LMLN: variants seen among roughly 807,000 people sequenced by gnomAD.
LMLN encodes leishmanolysin like peptidase, also known as leishmanolysin-like peptidase.
In LMLN, 70 loss-of-function variants were observed where a neutral mutation model predicts 92.3. The observed-to-expected ratio is 0.76, with a 90% CI of 0.63 to 0.92. The LOEUF (loss-of-function observed/expected upper bound fraction) is 0.92. Ranked by LOEUF, LMLN falls within the 40% of genes least tolerant of loss-of-function variation. The pLI is 0.00. For missense variants in LMLN, 691 were observed against 814.6 expected, an observed-to-expected ratio of 0.85 and a Z score of 1.85; for synonymous variants, 308 against 296.2, an observed-to-expected ratio of 1.04 and a Z score of -0.41.
chr3:197,996,961 T>TGTTC (rs1172673364), intron 10 of LMLN, among the ~76,000 whole-genome samples: 2 of 152,140 alleles, frequency 1.3e-5, no homozygotes, highest in Non-Finnish European at 2.9e-5. Context: ...CTAGTCTGTG[T>TGTTC]GTTCGTTCGT....
rs1036277173 is a variant in LMLN at position 197,976,510 on chromosome 3, A to G, written c.432-88A>G. On this transcript the variant is annotated intron_variant, in intron 4 of 15. Coordinates refer to ENST00000330198, the Ensembl canonical transcript of LMLN. ...AGTAACATTATTAATGAAGTAATAT[A>G]GCAGCTACCAGTTGGTTTCCATGTT... 15 of 648,548 alleles carry G rather than the reference A, an allele frequency of 2.3e-5. 1 individual carries two copies. The highest frequency in any genetic ancestry group is 4.0e-5 in the Non-Finnish European group (15 of 371,110). The allele number at this position is 648,548 out of a possible 1,614,324, so 40.2% of individuals were successfully genotyped here.
intron 5 of LMLN, among the ~76,000 whole-genome samples, chr3:197,979,966 A>G (rs1721510798): frequency 6.6e-6 from 1 of 152,158 alleles, no homozygotes; most frequent in African/African-American, 2.4e-5. Flanking sequence ...AGATTCAAAG[A>G]AAGTTGAAAA....
chr3:197,976,700 T>C, exon 5 of LMLN: 1 of 1,535,816 alleles, frequency 6.5e-7, no homozygotes, highest in Middle Eastern at 1.7e-4. Flanking sequence ...TTATTGTTCC[T>C]GAGGAACATC....
intron 13 of LMLN, among the ~76,000 whole-genome samples, chr3:198,022,172 C>T (rs1365323918): frequency 6.6e-6 from 1 of 152,202 alleles, no homozygotes; most frequent in South Asian, 2.1e-4. Flanking sequence ...ACATGTCACT[C>T]TTCAGATAGC....
chr3:198,006,470 G>A (rs1282706482), intron 11 of LMLN, among the ~76,000 whole-genome samples: 1 of 152,134 alleles, frequency 6.6e-6, no homozygotes, highest in Non-Finnish European at 1.5e-5. Flanking sequence ...GTAATTACAG[G>A]TTTAGTTTTG....
At chr3:198,022,209 G>C (rs2109937929) in intron 13 of LMLN, among the ~76,000 whole-genome samples, 1 of 152,272 alleles carries the variant, frequency 6.6e-6, no homozygotes, top group South Asian at 2.1e-4. Flanking sequence ...CTCATGGCCA[G>C]TAAGATATAC....
At chr3:198,007,538 C>G (rs1722327992) in intron 11 of LMLN, among the ~76,000 whole-genome samples, 2 of 152,188 alleles carry the variant, frequency 1.3e-5, no homozygotes, top group South Asian at 4.1e-4. Context: ...CCGTTCTGTT[C>G]TAGTGATCCA....
intron 6 of LMLN, among the ~76,000 whole-genome samples, chr3:197,981,467 G>A (rs1241526706): frequency 1.3e-5 from 2 of 152,196 alleles, no homozygotes; most frequent in Non-Finnish European, 2.9e-5. Flanking sequence ...TTTAATTTTA[G>A]GACTTCTGTG....
chr3:198,023,992 CTATCA>C (rs1250846169), intron 13 of LMLN, among the ~76,000 whole-genome samples: 7 of 152,270 alleles, frequency 4.6e-5, no homozygotes, highest in East Asian at 1.9e-4. Flanking sequence ...TGGCCTCATC[CTATCA>C]TGAGTAATTT....
exon 13 of LMLN, chr3:198,021,464 G>A: frequency 6.2e-7 from 1 of 1,614,028 alleles, no homozygotes. Flanking sequence ...TGAACTCAGT[G>A]GAATACCTGC....
chr3:197,995,611 C>CA (rs1434540927), intron 9 of LMLN, among the ~76,000 whole-genome samples: 1 of 151,844 alleles, frequency 6.6e-6, no homozygotes, highest in East Asian at 1.9e-4. Context: ...CCAAAGGGTA[C>CA]AAAATCACAG....
chr3:198,021,502 C>G (rs758314060), exon 13 of LMLN: 1 of 1,614,020 alleles, frequency 6.2e-7, no homozygotes, highest in Non-Finnish European at 8.5e-7. Flanking sequence ...ATGGTGGCTC[C>G]GTGGAAATTG....
intron 11 of LMLN, among the ~76,000 whole-genome samples, chr3:198,017,156 G>A (rs971028638): frequency 2.6e-5 from 4 of 152,084 alleles, no homozygotes; most frequent in African/African-American, 9.7e-5. Context: ...AACAGGTTGT[G>A]GTCAGGATTT....
intron 5 of LMLN, among the ~76,000 whole-genome samples, chr3:197,979,046 G>A (rs943032877): frequency 1.3e-5 from 2 of 152,100 alleles, no homozygotes; most frequent in Admixed American, 6.6e-5. Flanking sequence ...ACAGCATATT[G>A]TCATTAACCA....
At chr3:198,029,806 G>A (rs950077727) in intron 14 of LMLN, among the ~76,000 whole-genome samples, 2 of 152,012 alleles carry the variant, frequency 1.3e-5, no homozygotes, top group Non-Finnish European at 2.9e-5. Flanking sequence ...GGAGGAGTCA[G>A]GGGAGACTTA....
intron 10 of LMLN, 197 bp downstream of exon 10, chr3:197,996,479 G>A (rs1722020650): frequency 7.9e-6 from 3 of 379,402 alleles, no homozygotes; most frequent in Non-Finnish European, 1.4e-5. Flanking sequence ...ATATGTATGT[G>A]TGTGCAAACA....
chr3:198,042,986 A>G lies in LMLN; in HGVS notation c.*4319A>G, dbSNP rs1723448834. On this transcript the variant is annotated 3_prime_UTR_variant, in exon 16 of 16. Coordinates refer to ENST00000330198, the Ensembl canonical transcript of LMLN. The surrounding 1 kb of genome is among the most constrained non-coding windows in gnomAD (Gnocchi z 4.2). ...TTTGTTGAGATCAAATAGACATTCT[A>G]TAAATGTTATAAATTATGCTTGCAG... is the stretch of plus-strand genomic sequence containing the variant. The G allele has an allele frequency of 6.6e-6, 1 of 152,218 alleles. No homozygotes were observed. The highest frequency in any genetic ancestry group is 1.5e-5 in the Non-Finnish European group (1 of 68,034). 9.4% of individuals were successfully genotyped at this position (152,218 alleles called of 1,614,324 possible).
intron 5 of LMLN, among the ~76,000 whole-genome samples, chr3:197,977,488 A>G (rs956625707): frequency 2.0e-5 from 3 of 152,198 alleles, no homozygotes; most frequent in African/African-American, 7.2e-5. Context: ...AAATCTGGAT[A>G]CATATAAAAA....
At chr3:198,000,146 C>T (rs139578558) in intron 11 of LMLN, among the ~76,000 whole-genome samples, 1,991 of 152,222 alleles carry the variant, frequency 0.013, 45 homozygotes, top group African/African-American at 0.045. Context: ...CCTGCCTTGG[C>T]CTCCCAAAGT....
Sources: allele counts gnomAD v4.1 joint callset (sites outside exome capture counted in the v4.1 genomes callset), GRCh38; gene constraint gnomAD v4.1.1; non-coding constraint Gnocchi (gnomAD v3.1); transcripts MANE v1.5; gene names NCBI Gene and HGNC (gene_info 2026-07-23, HGNC 2026-07-21).